Variants in UGGT2 observed in about 807,000 individuals in gnomAD.
UGGT2 encodes the protein UDP-glucose:glycoprotein glucosyltransferase 2.
UGGT2 carries 180 observed loss-of-function variants against 192.1 expected under a neutral mutation model. The observed-to-expected ratio is 0.94, with a 90% CI of 0.83 to 1.06. UGGT2 has a LOEUF of 1.06. Ranked by LOEUF, UGGT2 falls within the 50% of genes least tolerant of loss-of-function variation. The pLI is 0.00. For missense variants in UGGT2, 1,849 were observed against 1,795.7 expected, an observed-to-expected ratio of 1.03 and a Z score of -0.54; for synonymous variants, 580 against 591.0, an observed-to-expected ratio of 0.98 and a Z score of 0.27.
chr13:95,834,388 G>A (rs911919052), intron 37 of UGGT2, among the ~76,000 whole-genome samples: 16 of 152,180 alleles, frequency 1.1e-4, no homozygotes. Context: ...ACAGAGGCCA[G>A]AAATGCTGCT....
intron 10 of UGGT2, among the ~76,000 whole-genome samples, chr13:95,972,927 T>G (rs2050820648): frequency 6.6e-6 from 1 of 152,226 alleles, no homozygotes; most frequent in South Asian, 2.1e-4. Flanking sequence ...TGCCAGAACT[T>G]TGGGAGGCCG....
At chr13:96,000,892 C>T (rs1168554004) in intron 5 of UGGT2, among the ~76,000 whole-genome samples, 3 of 152,088 alleles carry the variant, frequency 2.0e-5, no homozygotes, top group South Asian at 4.1e-4. Context: ...TTTTCTATTT[C>T]CCCCACAAAA....
At chr13:95,893,878 T>C (rs1314912005) in intron 24 of UGGT2, among the ~76,000 whole-genome samples, 1 of 152,198 alleles carries the variant, frequency 6.6e-6, no homozygotes, top group East Asian at 1.9e-4. Flanking sequence ...CACAGGAGCC[T>C]GACAGAGTAA....
chr13:95,962,856 C>T (rs1164955335), intron 12 of UGGT2, among the ~76,000 whole-genome samples: 1 of 152,090 alleles, frequency 6.6e-6, no homozygotes, highest in Non-Finnish European at 1.5e-5. Context: ...AAAGGACTTA[C>T]AGTTCCATAT....
chr13:95,823,808 T>C (rs1885744017), intron 38 of UGGT2, among the ~76,000 whole-genome samples: 1 of 152,070 alleles, frequency 6.6e-6, no homozygotes, highest in Admixed American at 6.6e-5. Context: ...TATTAGTTGT[T>C]ACCTAGATAA....
chr13:95,906,367 T>C (rs2048291427), intron 20 of UGGT2, among the ~76,000 whole-genome samples: 1 of 152,170 alleles, frequency 6.6e-6, no homozygotes, highest in Non-Finnish European at 1.5e-5. Flanking sequence ...ATGTATTTTC[T>C]GTGTAAACAA....
chr13:96,035,714 A>G (rs1283692509), intron 1 of UGGT2, among the ~76,000 whole-genome samples: 2 of 152,206 alleles, frequency 1.3e-5, no homozygotes, highest in Non-Finnish European at 2.9e-5. Flanking sequence ...AATTTACAAG[A>G]AAAAAACAAA....
At chr13:95,986,139 CACACATGT>C (rs2051282980) in intron 9 of UGGT2, among the ~76,000 whole-genome samples, 186 bp downstream of exon 9, 1 of 62,724 alleles carries the variant, frequency 1.6e-5, no homozygotes, top group Non-Finnish European at 4.1e-5. Context: ...ACAGTGCATA[CACACATGT>C]ATGCACAAGC....
chr13:95,833,851 A>C (rs1001636063), intron 37 of UGGT2, among the ~76,000 whole-genome samples: 4 of 152,220 alleles, frequency 2.6e-5, no homozygotes, highest in African/African-American at 9.6e-5. Context: ...CAAGTAATAA[A>C]GGAAGCCCAT....
chr13:95,889,443 C>T (rs1316456175), intron 25 of UGGT2, among the ~76,000 whole-genome samples: 1 of 152,088 alleles, frequency 6.6e-6, no homozygotes, highest in Non-Finnish European at 1.5e-5. Flanking sequence ...AAAAAAATTG[C>T]ATTTTGAAAT....
chr13:95,835,342 T>C (rs550542162), intron 37 of UGGT2, among the ~76,000 whole-genome samples: 1 of 152,312 alleles, frequency 6.6e-6, no homozygotes, highest in African/African-American at 2.4e-5. Context: ...GGGTTTGTTA[T>C]GGTAGCTCAT....
At chr13:95,927,811 C>T (rs868463979) in intron 17 of UGGT2, among the ~76,000 whole-genome samples, 235 of 152,138 alleles carry the variant, frequency 1.5e-3, no homozygotes, top group African/African-American at 4.8e-3. Flanking sequence ...AGGGCCCTGC[C>T]GCCTTCCGCA....
intron 21 of UGGT2, among the ~76,000 whole-genome samples, chr13:95,901,875 A>G (rs1348411709): frequency 2.0e-5 from 3 of 152,034 alleles, no homozygotes; most frequent in Non-Finnish European, 4.4e-5. Flanking sequence ...TAGATCAACC[A>G]TTACTCAAAC....
intron 38 of UGGT2, among the ~76,000 whole-genome samples, chr13:95,816,935 T>A (rs534175153): frequency 6.6e-6 from 1 of 152,296 alleles, no homozygotes; most frequent in East Asian, 1.9e-4. Context: ...AAGACCAGCC[T>A]GGCCAACATG....
At chr13:95,821,347 T>C (rs1885491834) in intron 38 of UGGT2, among the ~76,000 whole-genome samples, 1 of 152,206 alleles carries the variant, frequency 6.6e-6, no homozygotes, top group Non-Finnish European at 1.5e-5. Context: ...ATAGTAATGT[T>C]GGGCATTTTT....
intron 1 of UGGT2, among the ~76,000 whole-genome samples, chr13:96,036,241 A>G (rs559108222): frequency 6.6e-6 from 1 of 152,354 alleles, no homozygotes; most frequent in African/African-American, 2.4e-5. Context: ...GAACAAGGTC[A>G]TGTCTTTTGC....
chr13:95,818,816 AAC>A (rs1414296814), intron 38 of UGGT2, among the ~76,000 whole-genome samples: 1 of 152,182 alleles, frequency 6.6e-6, no homozygotes, highest in Non-Finnish European at 1.5e-5. Context: ...GGATTTATGA[AAC>A]AGAGACCTGC....
chr13:95,888,129 G>T (rs911429335), intron 25 of UGGT2, among the ~76,000 whole-genome samples, 158 bp from the exon 26 acceptor site: 4 of 152,084 alleles, frequency 2.6e-5, no homozygotes, highest in East Asian at 1.9e-4. Flanking sequence ...TGCAGTTTAG[G>T]TACAGAGAGA....
intron 38 of UGGT2, among the ~76,000 whole-genome samples, chr13:95,824,725 G>T (rs373887895): frequency 6.6e-6 from 1 of 151,836 alleles, no homozygotes; most frequent in East Asian, 1.9e-4. Flanking sequence ...CCTTTCTGTG[G>T]TATCTCCTTG....
Sources: gnomAD v4.1 joint callset for allele counts (sites outside exome capture counted in the v4.1 genomes callset) on GRCh38, gnomAD v4.1.1 for gene constraint, MANE v1.5 for transcripts, NCBI Gene and HGNC (gene_info 2026-07-23, HGNC 2026-07-21) for gene names.